Variants in POF1B observed in about 807,000 individuals in gnomAD.
POF1B encodes POF1B actin binding protein.
POF1B carries 53 observed loss-of-function variants against 55.3 expected under a neutral mutation model. The observed-to-expected ratio is 0.96, with a 90% CI of 0.77 to 1.20. The LOEUF (loss-of-function observed/expected upper bound fraction) is 1.20. Among genes scored for constraint, POF1B ranks in the 50% most tolerant of loss-of-function variants. The pLI is 0.00. For synonymous variants in POF1B, 188 were observed against 148.3 expected (o/e 1.27, Z -1.95); for missense variants, 478 against 420.5 (o/e 1.14, Z -1.20).
chrX:85,320,673 A>T (rs1480695109), intron 7 of POF1B, among the ~76,000 whole-genome samples: 1 of 111,567 alleles, frequency 9.0e-6, no homozygotes, highest in Non-Finnish European at 1.9e-5. Context: ...TGAAAGGATC[A>T]GCAAAATTGA....
In POF1B at chrX:85,305,855, T is replaced by C. The variant is rs148766242; in HGVS notation, c.1373A>G (p.Asn458Ser). The C allele has an allele frequency of 2.3e-4, 278 of 1,208,277 alleles. 1 individual carries two copies. In the African/African-American group the frequency reaches 4.0e-3, roughly 18 times the overall value. The change falls in exon 13 of 17, where the codon AAC (asparagine) becomes AGC (serine). Residue 458 changes from asparagine (N) to serine (S), a missense_variant. Transcript: ENST00000262753. ...MLQAKMDEIG[N>S]HYTEMVKNLR... is the part of the protein sequence containing the mutation. ...GTTTTTTACCATCTCCGTGTAGTGG[T>C]TGCCAATCTCATCCATTTTAGCCTG...
intron 15 of POF1B, among the ~76,000 whole-genome samples, chrX:85,301,488 A>G (rs1378210252): frequency 8.9e-6 from 1 of 111,876 alleles, no homozygotes; most frequent in African/African-American, 3.2e-5. Context: ...TCTACAAGAA[A>G]TACTAAAGGG....
chrX:85,292,806 T>C (rs543170991), intron 15 of POF1B, among the ~76,000 whole-genome samples: 2 of 105,215 alleles, frequency 1.9e-5, no homozygotes, highest in South Asian at 8.6e-4. Context: ...CCAGCTTCTG[T>C]AAGGAACTTA....
At chrX:85,303,584 A>G (rs993293694) in intron 14 of POF1B, 96 bp from the exon 15 acceptor site, 1 of 582,935 alleles carries the variant, frequency 1.7e-6, no homozygotes, top group Admixed American at 3.6e-5. Flanking sequence ...AACAATGATT[A>G]TACCCCCTCC....
intron 7 of POF1B, among the ~76,000 whole-genome samples, chrX:85,323,750 C>A (rs1477554218): frequency 9.0e-6 from 1 of 110,845 alleles, no homozygotes; most frequent in Non-Finnish European, 1.9e-5. Flanking sequence ...TTCTTGTCTT[C>A]TACTGTCTGT....
intron 7 of POF1B, among the ~76,000 whole-genome samples, chrX:85,329,622 T>G (rs1932943666): frequency 9.7e-6 from 1 of 102,906 alleles, no homozygotes; most frequent in African/African-American, 3.8e-5. Flanking sequence ...ATGAAGGAGG[T>G]GGTGGTCGTT....
At chrX:85,335,266 G>A (rs769050931) in intron 6 of POF1B, among the ~76,000 whole-genome samples, 4 of 111,652 alleles carry the variant, frequency 3.6e-5, no homozygotes, top group African/African-American at 1.3e-4. Flanking sequence ...TGGGTAGTAA[G>A]TTTTGAACTG....
At chrX:85,356,780 T>C (rs977795711) in intron 4 of POF1B, among the ~76,000 whole-genome samples, 9 of 111,226 alleles carry the variant, frequency 8.1e-5, no homozygotes, top group Non-Finnish European at 1.1e-4. Context: ...CCCTAAAAAT[T>C]AATAGGTGTT....
chrX:85,325,912 C>T (rs1387874388), intron 7 of POF1B, among the ~76,000 whole-genome samples: 1 of 111,043 alleles, frequency 9.0e-6, no homozygotes, highest in Admixed American at 9.6e-5. Context: ...TGAGTACAGT[C>T]GATTGGCTTC....
intron 6 of POF1B, among the ~76,000 whole-genome samples, chrX:85,335,017 A>G (rs1328041337): frequency 9.0e-6 from 1 of 111,438 alleles, no homozygotes. Flanking sequence ...AGGGGTAGGG[A>G]TAGTTTGTAG....
chrX:85,363,924 G>T (rs1349758624), intron 3 of POF1B, among the ~76,000 whole-genome samples: 1 of 111,333 alleles, frequency 9.0e-6, no homozygotes, highest in East Asian at 2.8e-4. Flanking sequence ...ATGAATCTTG[G>T]TACACCTGTG....
At chrX:85,367,899 T>A (rs1479110059) in intron 2 of POF1B, 133 bp from the exon 3 acceptor site, 1 of 420,752 alleles carries the variant, frequency 2.4e-6, no homozygotes, top group Admixed American at 5.1e-5. Flanking sequence ...TTAGATAATA[T>A]CCATCTTTCC....
At chrX:85,370,687 G>A (rs895304970) in intron 2 of POF1B, among the ~76,000 whole-genome samples, 2 of 111,699 alleles carry the variant, frequency 1.8e-5, no homozygotes, top group South Asian at 7.4e-4. Flanking sequence ...ACAAAACCTT[G>A]ATGTTGAAAG....
intron 4 of POF1B, among the ~76,000 whole-genome samples, chrX:85,357,612 C>T (rs1305323042): frequency 4.5e-5 from 5 of 111,017 alleles, no homozygotes; most frequent in South Asian, 7.6e-4. Flanking sequence ...TCATTTGAGA[C>T]GGTTGACCAC....
At position 85,346,032 on chromosome X, in the gene POF1B, G is replaced by A. The variant is rs370707247; in HGVS notation, c.551C>T (p.Pro184Leu). 34 of 1,184,633 alleles carry A rather than the reference G, an allele frequency of 2.9e-5. No individual in the cohort carries two copies. The highest frequency in any genetic ancestry group is 3.9e-5 in the Non-Finnish European group (34 of 881,118). Residue 184 changes from proline to leucine, a missense_variant, in exon 6 of 17, where the codon CCT becomes CTT. Coordinates refer to ENST00000262753, the MANE Select transcript of POF1B (RefSeq NM_024921.4). Reference sequence around the variant, plus strand: ...AATGTGATGATGGCATTGAGCCTGAGGATGGCACCCCTAAGACACATACAC... The same window carrying A: ...AATGTGATGATGGCATTGAGCCTGAAGATGGCACCCCTAAGACACATACAC... Reference protein sequence around the residue: ...EKLNTDQGCHPQAQCHHHIIQ... With the variant: ...EKLNTDQGCHLQAQCHHHIIQ...
chrX:85,358,356 T>C (rs1275767434), intron 4 of POF1B, among the ~76,000 whole-genome samples: 1 of 111,453 alleles, frequency 9.0e-6, no homozygotes. Context: ...GGACCTGTCT[T>C]ATCTCTTTCC....
chrX:85,313,708 G>C (rs905880679), intron 9 of POF1B, among the ~76,000 whole-genome samples: 1 of 111,454 alleles, frequency 9.0e-6, no homozygotes, highest in African/African-American at 3.3e-5. Flanking sequence ...TTAGGGGGGA[G>C]TCTCTCTTTT....
chrX:85,306,318 A>G lies in POF1B; in HGVS notation c.1180T>C (p.Ser394Pro). 8.3e-7 allele frequency: 1 copy of G among 1,207,943 alleles called. No individual in the cohort carries two copies. The highest frequency in any genetic ancestry group is 1.1e-6 in the Non-Finnish European group (1 of 893,713). The change falls in exon 12 of 17, where the codon TCA becomes CCA. Residue 394 changes from serine to proline, a missense_variant. Transcript: ENST00000262753. Reference protein sequence around the residue: ...NHQQQQGLQDSSSKCQALEEN... With the variant: ...NHQQQQGLQDPSSKCQALEEN... ...TCCAATGCCTGGCATTTTGAACTTG[A>G]GTCTTGAAGTCCTTGCTGTAAAGAA...
chrX:85,285,228 T>A (rs775116556), intron 15 of POF1B, among the ~76,000 whole-genome samples: 1 of 111,834 alleles, frequency 8.9e-6, no homozygotes, highest in Non-Finnish European at 1.9e-5. Flanking sequence ...TCAGCCATTG[T>A]GGAAGACAGT....
Sources: allele counts gnomAD v4.1 joint callset (sites outside exome capture counted in the v4.1 genomes callset), GRCh38; gene constraint gnomAD v4.1.1; transcripts MANE v1.5; gene names NCBI Gene and HGNC (gene_info 2026-07-23, HGNC 2026-07-21).